The following ECPAS variants were observed in gnomAD, a reference collection of about 807,000 sequenced individuals.
The protein encoded by ECPAS is Ecm29 proteasome adaptor and scaffold.
Under a neutral mutation model 255.1 loss-of-function variants are expected in ECPAS, and 70 were observed. The observed-to-expected ratio is 0.27, with a 90% CI of 0.23 to 0.33. The LOEUF is 0.33. ECPAS is among the 10% of genes least tolerant of loss of function. ECPAS has a pLI of 1.00. For missense variants in ECPAS, 1,817 were observed against 2,206.4 expected, an observed-to-expected ratio of 0.82 and a Z score of 3.54; for synonymous variants, 784 against 775.0, an observed-to-expected ratio of 1.01 and a Z score of -0.19.
At chr9:111,435,124 C>T (rs924678139) in intron 7 of ECPAS, among the ~76,000 whole-genome samples, 1 of 151,922 alleles carries the variant, frequency 6.6e-6, no homozygotes, top group Non-Finnish European at 1.5e-5. Context: ...GTCTCGAACT[C>T]CTGACCTCAA....
intron 4 of ECPAS, 141 bp downstream of exon 4, chr9:111,444,237 T>TCA: frequency 1.7e-6 from 1 of 578,288 alleles, no homozygotes. Flanking sequence ...AGTGTGTCAT[T>TCA]TAAAAAAAAA....
rs1279099464 is a variant in ECPAS at position 111,370,485 on chromosome 9, C to T, written c.4924G>A (p.Glu1642Lys). The change falls in exon 45 of 50, where the codon GAG becomes AAG. Residue 1642 changes from glutamate to lysine, a missense_variant. Glu to Lys is a moderately conservative substitution (Grantham distance 56, BLOSUM62 1). Around this residue, in one of 4 missense-constraint regions of ECPAS, gnomAD observed 960 missense variants for 1,179.0 expected, o/e 0.81. Transcript: ENST00000684092. ...TTAGAGAACTCCTGGAATCTGTCCT[C>T]TTTGGTGGCCTTCAAGATATCAGCT... ...CAADILKATKEDRFQEFSNIV... is the reference protein window; with the variant it reads ...CAADILKATKKDRFQEFSNIV... The T allele has an allele frequency of 6.2e-7, 1 of 1,611,096 alleles. No homozygotes were observed. Among genetic ancestry groups the T allele is most frequent in the Admixed American group, 1.7e-5 (1 of 59,642 alleles).
At chr9:111,419,746 C>T (rs1440191182) in intron 16 of ECPAS, among the ~76,000 whole-genome samples, 1 of 150,422 alleles carries the variant, frequency 6.6e-6, no homozygotes, top group Non-Finnish European at 1.5e-5. Flanking sequence ...TTGACCATTT[C>T]ATAACCATTT....
intron 31 of ECPAS, 82 bp from the exon 32 acceptor site, chr9:111,386,538 C>G (rs1402089772): frequency 2.8e-6 from 2 of 720,634 alleles, no homozygotes; most frequent in Non-Finnish European, 4.8e-6. Flanking sequence ...CACTGGTTAA[C>G]CACACTTAAC....
chr9:111,472,872 A>G, intron 2 of ECPAS, 25 bp downstream of exon 2: 1 of 924,190 alleles, frequency 1.1e-6, no homozygotes, highest in Non-Finnish European at 1.5e-6. Context: ...AAATGCACAC[A>G]TCCTAAGGAA....
At chr9:111,452,340 G>A (rs1053848042) in intron 2 of ECPAS, among the ~76,000 whole-genome samples, 18 of 152,092 alleles carry the variant, frequency 1.2e-4, no homozygotes, top group African/African-American at 4.1e-4. Context: ...TCTATATTTC[G>A]ATCTGCGTGA....
At chr9:111,408,422 G>A (rs1589155855) in intron 24 of ECPAS, 149 bp downstream of exon 24, 3 of 552,572 alleles carry the variant, frequency 5.4e-6, no homozygotes, top group East Asian at 6.0e-5. Context: ...GCACAGTGAT[G>A]AGCACAAAAC....
chr9:111,389,747 C>T (rs2098156397), intron 30 of ECPAS, 24 bp from the exon 31 acceptor site: 1 of 1,584,992 alleles, frequency 6.3e-7, no homozygotes, highest in Non-Finnish European at 8.6e-7. Flanking sequence ...GCTGAAGTGA[C>T]TCAGATGCAC....
At chr9:111,439,964 C>T (rs1038710468) in intron 6 of ECPAS, among the ~76,000 whole-genome samples, 1 of 151,874 alleles carries the variant, frequency 6.6e-6, no homozygotes, top group African/African-American at 2.4e-5. Flanking sequence ...AAGCTGGAGA[C>T]AATTTATCAT....
intron 2 of ECPAS, among the ~76,000 whole-genome samples, chr9:111,465,389 A>C (rs1048589122): frequency 1.3e-5 from 2 of 152,024 alleles, no homozygotes; most frequent in Non-Finnish European, 2.9e-5. Flanking sequence ...AAAATAAAAA[A>C]ATTAGCCAGG....
At chr9:111,420,728 G>A (rs937391557) in intron 15 of ECPAS, among the ~76,000 whole-genome samples, 17 of 152,136 alleles carry the variant, frequency 1.1e-4, no homozygotes, top group South Asian at 2.1e-4. Context: ...TTATTCTTAC[G>A]TACCTTCCCC....
intron 41 of ECPAS, 111 bp downstream of exon 41, chr9:111,373,059 T>C (rs1045886230): frequency 1.4e-5 from 13 of 919,930 alleles, no homozygotes; most frequent in Middle Eastern, 2.3e-4. Context: ...AAGAAACAAA[T>C]GTTTCTAGCA....
intron 6 of ECPAS, 96 bp downstream of exon 6, chr9:111,440,276 T>C (rs2098243997): frequency 9.0e-7 from 1 of 1,106,074 alleles, no homozygotes; most frequent in Non-Finnish European, 1.3e-6. Flanking sequence ...TTGAGATGCA[T>C]TCATTTACTA....
chr9:111,461,012 T>A (rs919342006), intron 2 of ECPAS, among the ~76,000 whole-genome samples: 1 of 150,834 alleles, frequency 6.6e-6, no homozygotes, highest in African/African-American at 2.4e-5. Flanking sequence ...AATCAATGAA[T>A]GAGTGGATGA....
Position 111,422,131 on chromosome 9 carries a change from T to C in ECPAS, c.1332+3A>G. ...AGCATAAACTTAGCAGCTGTTTCCC[T>C]ACCTTGCAAAGGGCTTCAAAAAGCT... is the stretch of plus-strand genomic sequence containing the variant. On this transcript the variant is annotated splice_donor_region_variant and intron_variant, in intron 14 of 49. Coordinates refer to ENST00000684092, the MANE Select transcript of ECPAS (RefSeq NM_001364929.1). The C allele has an allele frequency of 1.2e-6, 2 of 1,613,850 alleles. No homozygotes were observed. Among genetic ancestry groups the C allele is most frequent in the Non-Finnish European group, 1.7e-6 (2 of 1,179,792 alleles).
intron 7 of ECPAS, among the ~76,000 whole-genome samples, chr9:111,434,937 C>T (rs1274728781): frequency 1.5e-5 from 2 of 129,272 alleles, no homozygotes; most frequent in African/African-American, 6.3e-5. Context: ...CTTGCTCTAT[C>T]GCCCAGGATG....
chr9:111,442,887 C>T (rs2098247806), intron 4 of ECPAS, among the ~76,000 whole-genome samples: 1 of 152,272 alleles, frequency 6.6e-6, no homozygotes, highest in South Asian at 2.1e-4. Context: ...GTTCCTCACT[C>T]CAGTAACTCA....
intron 24 of ECPAS, among the ~76,000 whole-genome samples, chr9:111,406,047 AT>A (rs768882432): frequency 6.7e-6 from 1 of 149,942 alleles, no homozygotes; most frequent in Non-Finnish European, 1.5e-5. Flanking sequence ...GAAAATCTGT[AT>A]TCTGAAGAGG....
chr9:111,464,797 G>A (rs1445861401), intron 2 of ECPAS, among the ~76,000 whole-genome samples: 1 of 151,834 alleles, frequency 6.6e-6, no homozygotes, highest in East Asian at 1.9e-4. Flanking sequence ...AGGGGAGGAG[G>A]AAAGAGAGGA....
Sources: allele counts gnomAD v4.1 joint callset (sites outside exome capture counted in the v4.1 genomes callset), GRCh38; gene constraint gnomAD v4.1.1; regional missense constraint gnomAD v4.1.1; transcripts MANE v1.5; gene names NCBI Gene and HGNC (gene_info 2026-07-23, HGNC 2026-07-21).